PLAC1: variants seen among roughly 807,000 people sequenced by gnomAD.
PLAC1 encodes placenta-specific protein 1.
For missense variants in PLAC1, 136 were observed against 163.2 expected, an observed-to-expected ratio of 0.83 and a Z score of 0.91; for synonymous variants, 68 against 62.1, an observed-to-expected ratio of 1.09 and a Z score of -0.44.
chrX:134,584,284 G>A (rs928290166), intron 2 of PLAC1, among the ~76,000 whole-genome samples: 1 of 111,850 alleles, frequency 8.9e-6, no homozygotes, highest in Non-Finnish European at 1.9e-5. Flanking sequence ...GCTTAGCTGT[G>A]GGCAGAAATG....
chrX:134,645,331 G>A (rs745734328), intron 1 of PLAC1, among the ~76,000 whole-genome samples: 1 of 112,013 alleles, frequency 8.9e-6, no homozygotes, highest in African/African-American at 3.2e-5. Flanking sequence ...AACTTTTAAA[G>A]TACTTATTCA....
intron 1 of PLAC1, among the ~76,000 whole-genome samples, chrX:134,627,236 G>A (rs181576712): frequency 1.9e-4 from 21 of 111,633 alleles, no homozygotes; most frequent in African/African-American, 5.9e-4. Context: ...TTGTTTGGTA[G>A]GAATGGTATG....
At chrX:134,746,180 G>C (rs886946229) in intron 1 of PLAC1, among the ~76,000 whole-genome samples, 2 of 112,281 alleles carry the variant, frequency 1.8e-5, no homozygotes, top group African/African-American at 3.2e-5. Context: ...TCAAAGGCCT[G>C]TGGCCTGAGG....
At chrX:134,570,370 C>T (rs756210621) in intron 2 of PLAC1, among the ~76,000 whole-genome samples, 9 of 111,093 alleles carry the variant, frequency 8.1e-5, no homozygotes, top group Non-Finnish European at 1.5e-4. Flanking sequence ...AGCCATCATG[C>T]GGGCCATGCA....
At chrX:134,738,525 C>G (rs1035140165) in intron 1 of PLAC1, among the ~76,000 whole-genome samples, 1 of 111,989 alleles carries the variant, frequency 8.9e-6, no homozygotes, top group African/African-American at 3.2e-5. Flanking sequence ...TTCCAGCCCC[C>G]CTGGACCCAG....
intron 2 of PLAC1, among the ~76,000 whole-genome samples, chrX:134,681,444 G>A (rs750818499): frequency 1.8e-5 from 2 of 111,386 alleles, no homozygotes; most frequent in Non-Finnish European, 3.8e-5. Flanking sequence ...ACACAGTCAC[G>A]ACATGCACAC....
At chrX:134,714,110 A>G (rs918911528) in intron 2 of PLAC1, among the ~76,000 whole-genome samples, 2 of 111,698 alleles carry the variant, frequency 1.8e-5, no homozygotes, top group Non-Finnish European at 3.8e-5. Flanking sequence ...GGCCAGTCCA[A>G]ATTACCTCCT....
rs753589641 is a variant in PLAC1, at chrX:134,603,569, C to T, written c.-130-1447G>A. On this transcript the variant is annotated intron_variant, in intron 1 of 2. Coordinates refer to ENST00000359237, the MANE Select transcript of PLAC1 (RefSeq NM_021796.4). ...CAGGATGGTCTCGATCCCCTGACCTCGTGATCCACCCGCCTCAGCCTCCCA... is the reference window on the plus strand; with the variant it reads ...CAGGATGGTCTCGATCCCCTGACCTTGTGATCCACCCGCCTCAGCCTCCCA... Among the ~76,000 whole-genome samples, 6 of 105,869 alleles carry T rather than the reference C, an allele frequency of 5.7e-5. No homozygotes were observed. The East Asian group carries it at 1.2e-3, about 21-fold the overall frequency. 91.9% of individuals were successfully genotyped at this position (105,869 alleles called of 115,157 possible). A position where few individuals can be genotyped will look rare whatever the true frequency, so the allele number is the denominator to read the frequency against.
chrX:134,655,254 A>C (rs2078384507), intron 1 of PLAC1, among the ~76,000 whole-genome samples: 1 of 110,398 alleles, frequency 9.1e-6, no homozygotes, highest in Non-Finnish European at 1.9e-5. Context: ...CAATGAACAT[A>C]CATATAACCA....
At chrX:134,717,172 C>T (rs1029925417) in intron 2 of PLAC1, among the ~76,000 whole-genome samples, 3 of 111,649 alleles carry the variant, frequency 2.7e-5, no homozygotes, top group African/African-American at 6.5e-5. Flanking sequence ...GGTACATGTG[C>T]GTGCTGGGTA....
At chrX:134,676,502 T>C (rs1215552194) in intron 2 of PLAC1, among the ~76,000 whole-genome samples, 2 of 111,845 alleles carry the variant, frequency 1.8e-5, no homozygotes, top group African/African-American at 3.3e-5. Flanking sequence ...GTCCCAGAGA[T>C]GATAAGAGAT....
At chrX:134,727,203 A>C (rs1184053683) in intron 2 of PLAC1, among the ~76,000 whole-genome samples, 1 of 111,891 alleles carries the variant, frequency 8.9e-6, no homozygotes, top group Non-Finnish European at 1.9e-5. Flanking sequence ...GCTTGCAAAT[A>C]GAAGGAAAGG....
intron 1 of PLAC1, among the ~76,000 whole-genome samples, chrX:134,644,470 A>G (rs2078322062): frequency 9.0e-6 from 1 of 110,600 alleles, no homozygotes; most frequent in Non-Finnish European, 1.9e-5. Flanking sequence ...TCTGGGATAC[A>G]TGTGCAGGAT....
At chrX:134,586,187 C>T (rs73224745) in intron 2 of PLAC1, among the ~76,000 whole-genome samples, 4,921 of 111,640 alleles carry the variant, frequency 0.044, 135 homozygotes, top group Non-Finnish European at 0.072. Flanking sequence ...AGACCAACAA[C>T]TGGCATTTTC....
At position 134,750,889 on chromosome X, in the gene PLAC1, ATATATATATTTATATATATATT is replaced by A. The variant is rs2078742089; in HGVS notation, n.89+13323_89+13344del. On this transcript the variant is annotated intron_variant and non_coding_transcript_variant, in intron 1 of 2. Transcript: ENST00000466797. ...TATATATATATATTTATAAATATAT[ATATATATATTTATATATATATT>A]TATATATATATATTTTTATATATAT... Among the ~76,000 whole-genome samples the A allele has an allele frequency of 2.1e-4, 4 of 19,160 alleles. 1 individual carries two copies. The highest frequency in any genetic ancestry group is 3.2e-3 in the South Asian group (1 of 314). The allele number at this position is 19,160 out of a possible 115,157, so 16.6% of individuals were successfully genotyped here.
At chrX:134,707,182 T>C (rs1212094724) in intron 2 of PLAC1, among the ~76,000 whole-genome samples, 1 of 112,145 alleles carries the variant, frequency 8.9e-6, no homozygotes, top group Admixed American at 9.5e-5. Flanking sequence ...ATTTTTTAAG[T>C]ACTGAAAGAA....
chrX:134,746,931 T>C (rs1013238304), intron 1 of PLAC1, among the ~76,000 whole-genome samples: 1 of 112,110 alleles, frequency 8.9e-6, no homozygotes, highest in Non-Finnish European at 1.9e-5. Flanking sequence ...TTACAGAACA[T>C]TGTGCTCAAT....
chrX:134,569,299 C>T lies in PLAC1; in HGVS notation c.-58-2559G>A, dbSNP rs182138856. Among the ~76,000 whole-genome samples the T allele has an allele frequency of 3.6e-5, 4 of 111,866 alleles. No homozygotes were observed. The South Asian group carries it at 1.1e-3, about 31-fold the overall frequency. On this transcript the variant is annotated intron_variant, in intron 2 of 2. Coordinates refer to ENST00000359237, the MANE Select transcript of PLAC1 (RefSeq NM_021796.4). Reference sequence around the variant, plus strand: ...GACTACCTCACTTCCCACCCCCACACGTTCACTTCTTGTATTATGTTGCAC... The same window carrying T: ...GACTACCTCACTTCCCACCCCCACATGTTCACTTCTTGTATTATGTTGCAC...
At chrX:134,606,389 T>C (rs1206044545) in intron 1 of PLAC1, 1 of 111,702 alleles carries the variant, frequency 9.0e-6, no homozygotes, top group African/African-American at 3.3e-5. Context: ...CTTAAAAATA[T>C]AGCTTTAAAC....
Sources: gnomAD v4.1 joint callset for allele counts (sites outside exome capture counted in the v4.1 genomes callset) on GRCh38, gnomAD v4.1.1 for gene constraint, MANE v1.5 for transcripts, NCBI Gene and HGNC (gene_info 2026-07-23, HGNC 2026-07-21) for gene names.